Variants in GPC6 observed in about 807,000 individuals in gnomAD.
GPC6 encodes the protein glypican-6.
GPC6 carries 14 observed loss-of-function variants against 55.2 expected under a neutral mutation model. The ratio of observed to expected loss-of-function variants is 0.25; its 90% CI spans 0.17 to 0.40. The LOEUF is 0.40. Ranked by LOEUF, GPC6 falls within the 10% of genes least tolerant of loss-of-function variation. GPC6 has a pLI of 1.00. For missense variants in GPC6, 641 were observed against 708.5 expected (o/e 0.90, Z 1.08); for synonymous variants, 278 against 259.6 (o/e 1.07, Z -0.68).
At chr13:93,830,612 TAAAA>T (rs369020255) in intron 3 of GPC6, 67 bp downstream of exon 3, 591 of 325,608 alleles carry the variant, frequency 1.8e-3, no homozygotes, top group African/African-American at 5.3e-3. Flanking sequence ...AACCAATGTT[TAAAA>T]AAAAAAAAAA....
intron 1 of GPC6, among the ~76,000 whole-genome samples, chr13:93,257,608 TAG>T (rs1876999583): frequency 6.6e-6 from 1 of 152,188 alleles, no homozygotes; most frequent in Non-Finnish European, 1.5e-5. Context: ...TAAACTCTTG[TAG>T]TATCTCGCAT....
At chr13:93,388,580 C>T (rs943147722) in intron 1 of GPC6, among the ~76,000 whole-genome samples, 2 of 152,180 alleles carry the variant, frequency 1.3e-5, no homozygotes, top group Admixed American at 1.3e-4. Flanking sequence ...AGCTTTCTCT[C>T]AAGCTGAGGT....
intron 2 of GPC6, among the ~76,000 whole-genome samples, chr13:93,755,070 A>G (rs1884724490): frequency 6.6e-6 from 1 of 152,224 alleles, no homozygotes; most frequent in Admixed American, 6.5e-5. Flanking sequence ...TTAAACATGT[A>G]TAGCTTTGTT....
At chr13:93,970,613 T>C (rs1880242189) in intron 3 of GPC6, among the ~76,000 whole-genome samples, 1 of 152,196 alleles carries the variant, frequency 6.6e-6, no homozygotes, top group Non-Finnish European at 1.5e-5. Flanking sequence ...TCCAATGATA[T>C]GACACTGTGT....
intron 1 of GPC6, among the ~76,000 whole-genome samples, chr13:93,417,504 T>C (rs1046758901): frequency 6.6e-6 from 1 of 152,036 alleles, no homozygotes; most frequent in Non-Finnish European, 1.5e-5. Context: ...AATCTGTTCT[T>C]TTTCTGTGAG....
In GPC6 at chr13:94,166,831, A is replaced by G. The variant is rs191048709; in HGVS notation, c.878-119518A>G. On this transcript the variant is annotated intron_variant, in intron 4 of 8. Transcript: ENST00000377047. ...ATTTAGTTTTAAATTTTCATCAAAT[A>G]TGTATTTAGTCCAAATACATTAAAA... 3.8e-3 allele frequency among the ~76,000 whole-genome samples: 575 copies of G among 152,326 alleles called. 6 individuals carry two copies. The highest frequency in any genetic ancestry group is 0.013 in the African/African-American group (527 of 41,586).
chr13:93,443,877 A>C (rs1046932357), intron 1 of GPC6, among the ~76,000 whole-genome samples: 1 of 72,486 alleles, frequency 1.4e-5, no homozygotes, highest in African/African-American at 4.4e-5. Flanking sequence ...AAGATACTTT[A>C]TGACATCAGA....
At chr13:93,957,248 G>T (rs1045670288) in intron 3 of GPC6, among the ~76,000 whole-genome samples, 1 of 151,980 alleles carries the variant, frequency 6.6e-6, no homozygotes, top group African/African-American at 2.4e-5. Flanking sequence ...TGCTTTTATT[G>T]TTATTTTTAA....
chr13:94,153,964 A>G (rs1887835395), intron 4 of GPC6, among the ~76,000 whole-genome samples: 1 of 152,182 alleles, frequency 6.6e-6, no homozygotes, highest in African/African-American at 2.4e-5. Context: ...ATGAAAAAAT[A>G]CTATATAAGA....
At chr13:93,364,955 C>G (rs1224062359) in intron 1 of GPC6, among the ~76,000 whole-genome samples, 1 of 151,980 alleles carries the variant, frequency 6.6e-6, no homozygotes, top group Non-Finnish European at 1.5e-5. Flanking sequence ...TCTTCCTTGG[C>G]ATACTCCTTC....
At position 93,871,136 on chromosome 13, in the gene GPC6, G is replaced by A. The variant is rs149466285; in HGVS notation, c.711+40591G>A. Among the ~76,000 whole-genome samples, 692 of 151,924 alleles carry A rather than the reference G, an allele frequency of 4.6e-3. 3 individuals carry two copies. The highest frequency in any genetic ancestry group is 0.019 in the South Asian group (90 of 4,808). ...ATAACGGGAGACACAAAGTATAGCC[G>A]ACAACACATGCTCTAGCATGAGACA... On this transcript the variant is annotated intron_variant, in intron 3 of 8. Coordinates refer to ENST00000377047, the MANE Select transcript of GPC6 (RefSeq NM_005708.5).
At chr13:93,297,986 A>T (rs952384991) in intron 1 of GPC6, among the ~76,000 whole-genome samples, 1 of 152,194 alleles carries the variant, frequency 6.6e-6, no homozygotes, top group Admixed American at 6.5e-5. Flanking sequence ...GGAGTAACAA[A>T]TGTTAGGTTC....
intron 2 of GPC6, among the ~76,000 whole-genome samples, chr13:93,563,358 T>C (rs1875911399): frequency 6.6e-6 from 1 of 152,076 alleles, no homozygotes; most frequent in South Asian, 2.1e-4. Flanking sequence ...AAGCAACCCA[T>C]ATCCTTGCAA....
chr13:93,870,246 G>T (rs1265994387), intron 3 of GPC6, among the ~76,000 whole-genome samples: 1 of 151,816 alleles, frequency 6.6e-6, no homozygotes, highest in Non-Finnish European at 1.5e-5. Context: ...GATCTTGTCT[G>T]CCAAGTACTT....
At chr13:93,628,667 T>C (rs1879307358) in intron 2 of GPC6, among the ~76,000 whole-genome samples, 1 of 152,188 alleles carries the variant, frequency 6.6e-6, no homozygotes. Context: ...CCACTTGGAT[T>C]CTTAGCACTA....
In GPC6 at chr13:94,055,824, A is replaced by G. The variant is rs559233919; in HGVS notation, c.877+27930A>G. Among the ~76,000 whole-genome samples the G allele has an allele frequency of 2.9e-4, 44 of 152,350 alleles. 1 individual carries two copies. The highest frequency in any genetic ancestry group is 2.5e-3 in the Admixed American group (39 of 15,300). ...AAAAACAAAAAGTAAAAAAATAGCC[A>G]TAGCTACACAGATACAGAATTTTGA... On this transcript the variant is annotated intron_variant, in intron 4 of 8. Transcript: ENST00000377047.
chr13:94,234,727 G>A lies in GPC6; in HGVS notation c.878-51622G>A, dbSNP rs147169356. ...TTCAGGAAGTTTCTCTTCCTCCCAG[G>A]AATTAACAGGCTATCAACCAGACGC... On this transcript the variant is annotated intron_variant, in intron 4 of 8. Transcript: ENST00000377047. Among the ~76,000 whole-genome samples, 1,069 of 151,996 alleles carry A rather than the reference G, an allele frequency of 7.0e-3. 3 individuals carry two copies. Among genetic ancestry groups the A allele is most frequent in the Non-Finnish European group, 8.0e-3 (542 of 67,972 alleles).
intron 3 of GPC6, among the ~76,000 whole-genome samples, chr13:93,855,731 C>A (rs957269882): frequency 6.6e-6 from 1 of 151,592 alleles, no homozygotes. Flanking sequence ...TGTAGTGTAT[C>A]TCATTGTTGT....
At chr13:93,354,002 G>A (rs1429602945) in intron 1 of GPC6, among the ~76,000 whole-genome samples, 1 of 152,134 alleles carries the variant, frequency 6.6e-6, no homozygotes, top group African/African-American at 2.4e-5. Flanking sequence ...TGTTTTCCAA[G>A]GAACTGATTT....
Sources: allele counts gnomAD v4.1 joint callset (sites outside exome capture counted in the v4.1 genomes callset), GRCh38; gene constraint gnomAD v4.1.1; transcripts MANE v1.5; gene names NCBI Gene and HGNC (gene_info 2026-07-23, HGNC 2026-07-21).